PRKG1: variants seen among roughly 807,000 people sequenced by gnomAD.
The protein encoded by PRKG1 is cGMP-dependent protein kinase 1.
Under a neutral mutation model 88.1 loss-of-function variants are expected in PRKG1, and 35 were observed. The ratio of observed to expected loss-of-function variants is 0.40; its 90% CI spans 0.30 to 0.53. PRKG1 has a LOEUF of 0.53. Among genes scored for constraint, PRKG1 ranks in the 20% least tolerant of loss-of-function variants. The probability of loss-of-function intolerance (pLI) is 0.59; values close to 1 mark genes in which losing one functional copy is unlikely to be tolerated. For missense variants in PRKG1, 540 were observed against 839.8 expected (o/e 0.64, Z 4.41); for synonymous variants, 303 against 292.5 (o/e 1.04, Z -0.37).
chr10:51,352,245 A>G (rs1842265303), intron 2 of PRKG1, among the ~76,000 whole-genome samples: 1 of 144,972 alleles, frequency 6.9e-6, no homozygotes, highest in South Asian at 2.4e-4. Flanking sequence ...TTGGTTCCAT[A>G]TGGAATTTAA....
At chr10:52,114,590 C>A (rs1345166331) in intron 7 of PRKG1, among the ~76,000 whole-genome samples, 1 of 149,594 alleles carries the variant, frequency 6.7e-6, no homozygotes. Context: ...TTTTAAGCAG[C>A]AAATACCTAG....
At chr10:51,832,117 A>G (rs1381115939) in intron 4 of PRKG1, among the ~76,000 whole-genome samples, 2 of 152,206 alleles carry the variant, frequency 1.3e-5, no homozygotes, top group Non-Finnish European at 2.9e-5. Context: ...TTTTAAAAAA[A>G]CTTACATAAA....
At chr10:52,240,275 T>A (rs1484566614) in intron 9 of PRKG1, among the ~76,000 whole-genome samples, 1 of 152,134 alleles carries the variant, frequency 6.6e-6, no homozygotes, top group Non-Finnish European at 1.5e-5. Flanking sequence ...GTCTTCTTCT[T>A]CCTCAGAATG....
intron 5 of PRKG1, among the ~76,000 whole-genome samples, chr10:51,915,076 T>C (rs1842309037): frequency 6.6e-6 from 1 of 152,186 alleles, no homozygotes; most frequent in Non-Finnish European, 1.5e-5. Context: ...GCAGGCTGAT[T>C]AAATAATTTA....
rs181137851 is a variant in PRKG1, at chr10:51,903,158, A to G, written c.699-4349A>G. The stretch of plus-strand genomic sequence containing the variant: ...ATACAGCTGTCCTCTTCAAAATGTC[A>G]GTGTCATATGGGCAAATGTGGGAGG... On this transcript the variant is annotated intron_variant, in intron 4 of 17. Transcript: ENST00000373980. 2.6e-5 allele frequency among the ~76,000 whole-genome samples: 4 copies of G among 152,312 alleles called. No individual in the cohort carries two copies. The East Asian group carries it at 7.7e-4, about 29-fold the overall frequency.
At chr10:52,060,872 C>T (rs539629375) in intron 6 of PRKG1, among the ~76,000 whole-genome samples, 60 of 151,932 alleles carry the variant, frequency 3.9e-4, no homozygotes, top group African/African-American at 1.3e-3. Flanking sequence ...TTAATAGCAC[C>T]ATAAAAACAA....
intron 3 of PRKG1, among the ~76,000 whole-genome samples, chr10:51,714,165 G>A (rs11816956): frequency 0.35 from 53,599 of 151,932 alleles, 10,118 homozygotes; most frequent in Middle Eastern, 0.52. Context: ...ATTTTTAGTA[G>A]AGACGGGGTT....
chr10:52,073,592 T>A (rs1846557914), intron 7 of PRKG1, among the ~76,000 whole-genome samples: 1 of 152,218 alleles, frequency 6.6e-6, no homozygotes. Context: ...TGTTCTGGCA[T>A]GAAAGAGTGG....
intron 2 of PRKG1, among the ~76,000 whole-genome samples, chr10:51,311,149 C>A (rs958994624): frequency 3.3e-5 from 5 of 152,130 alleles, no homozygotes; most frequent in African/African-American, 1.2e-4. Flanking sequence ...CTCCATGAAG[C>A]CTTTCTTAAA....
intron 9 of PRKG1, chr10:52,230,753 AC>A (rs1319732712): frequency 6.6e-6 from 1 of 152,238 alleles, no homozygotes; most frequent in East Asian, 1.9e-4. Context: ...GGGAGTTAAG[AC>A]AGGTTCCTTG....
At chr10:51,505,800 TG>T (rs1466110933) in intron 3 of PRKG1, among the ~76,000 whole-genome samples, 1 of 152,218 alleles carries the variant, frequency 6.6e-6, no homozygotes, top group East Asian at 1.9e-4. Flanking sequence ...TGTATTTCTG[TG>T]GGATCGGTAG....
intron 1 of PRKG1, among the ~76,000 whole-genome samples, chr10:51,015,401 G>C (rs973468154): frequency 1.3e-5 from 2 of 152,096 alleles, no homozygotes; most frequent in African/African-American, 2.4e-5. Flanking sequence ...TCCAATTATA[G>C]GTTTTGAAAA....
intron 5 of PRKG1, among the ~76,000 whole-genome samples, chr10:51,914,233 AG>A (rs1426026015): frequency 6.6e-6 from 1 of 151,260 alleles, no homozygotes; most frequent in African/African-American, 2.4e-5. Context: ...AAAAAAAAAA[AG>A]TATTTATCTA....
chr10:51,970,825 A>G (rs1008448100), intron 5 of PRKG1, among the ~76,000 whole-genome samples: 1 of 142,864 alleles, frequency 7.0e-6, no homozygotes, highest in Non-Finnish European at 1.5e-5. Flanking sequence ...GTATATATAT[A>G]TATGTGATAT....
intron 5 of PRKG1, 82 bp from the exon 6 acceptor site, chr10:52,054,401 TG>T (rs1209071347): frequency 2.1e-6 from 2 of 960,470 alleles, no homozygotes; most frequent in Non-Finnish European, 3.3e-6. Context: ...AATATATCCC[TG>T]GGGGTTGATA....
chr10:51,050,717 A>AT (rs1270394328), intron 1 of PRKG1, among the ~76,000 whole-genome samples: 1 of 151,914 alleles, frequency 6.6e-6, no homozygotes, highest in African/African-American at 2.4e-5. Flanking sequence ...TCCATTTTTT[A>AT]TTTTTTTGAG....
intron 5 of PRKG1, among the ~76,000 whole-genome samples, chr10:51,973,427 T>C (rs775652756): frequency 1.3e-5 from 2 of 152,202 alleles, no homozygotes; most frequent in African/African-American, 4.8e-5. Flanking sequence ...GAATTTATTA[T>C]GTTCCATTGC....
At chr10:51,799,915 G>C (rs1339908942) in intron 3 of PRKG1, among the ~76,000 whole-genome samples, 2 of 151,792 alleles carry the variant, frequency 1.3e-5, no homozygotes, top group Non-Finnish European at 2.9e-5. Context: ...AAAATACATA[G>C]GATAACAAAG....
intron 3 of PRKG1, among the ~76,000 whole-genome samples, chr10:51,712,910 T>C (rs561787243): frequency 1.1e-4 from 16 of 152,010 alleles, no homozygotes; most frequent in Non-Finnish European, 1.9e-4. Context: ...AGAATTACAA[T>C]GCCATCCCAT....
Sources: allele counts gnomAD v4.1 joint callset (sites outside exome capture counted in the v4.1 genomes callset), GRCh38; gene constraint gnomAD v4.1.1; transcripts MANE v1.5; gene names NCBI Gene and HGNC (gene_info 2026-07-23, HGNC 2026-07-21).